The following CAMKMT variants were observed in gnomAD, a reference collection of about 807,000 sequenced individuals.
The protein encoded by CAMKMT is calmodulin-lysine N-methyltransferase.
A neutral mutation model predicts 48.0 loss-of-function variants in CAMKMT; 53 were observed. That is an observed-to-expected ratio of 1.10 (90% confidence interval 0.89 to 1.39). The LOEUF (loss-of-function observed/expected upper bound fraction) is 1.39, where lower values mean the gene tolerates loss of function less well. CAMKMT is among the 40% of genes most tolerant of loss of function. The pLI, the probability that CAMKMT is intolerant of heterozygous loss-of-function variation, is 0.00. For synonymous variants in CAMKMT, 165 were observed against 152.3 expected (o/e 1.08, Z -0.61); for missense variants, 428 against 402.7 (o/e 1.06, Z -0.54).
At chr2:44,422,590 G>A (rs1030274924) in intron 3 of CAMKMT, among the ~76,000 whole-genome samples, 4 of 152,026 alleles carry the variant, frequency 2.6e-5, no homozygotes, top group African/African-American at 9.7e-5. Flanking sequence ...TGTTGCTGCT[G>A]CAAATACTTT....
At chr2:44,449,610 T>G (rs1034337758) in intron 3 of CAMKMT, among the ~76,000 whole-genome samples, 1 of 152,180 alleles carries the variant, frequency 6.6e-6, no homozygotes, top group Non-Finnish European at 1.5e-5. Context: ...TTTTTATTCT[T>G]TAGACTTTAC....
chr2:44,517,111 GTGTT>G (rs1670870144), intron 3 of CAMKMT, among the ~76,000 whole-genome samples: 1 of 152,084 alleles, frequency 6.6e-6, no homozygotes, highest in Non-Finnish European at 1.5e-5. Context: ...ATGTGCATAA[GTGTT>G]TGTTAATGAA....
chr2:44,742,803 G>C (rs1388255219), intron 7 of CAMKMT, among the ~76,000 whole-genome samples: 4 of 151,984 alleles, frequency 2.6e-5, no homozygotes, highest in Admixed American at 6.6e-5. Flanking sequence ...AACTGGGCAG[G>C]GTAGGACATG....
chr2:44,562,469 A>G (rs1479008993), intron 3 of CAMKMT, among the ~76,000 whole-genome samples: 1 of 152,158 alleles, frequency 6.6e-6, no homozygotes, highest in African/African-American at 2.4e-5. Flanking sequence ...GGTGAGTATT[A>G]TTATTTCTAT....
At chr2:44,731,673 A>G (rs923215091) in intron 7 of CAMKMT, among the ~76,000 whole-genome samples, 2 of 152,324 alleles carry the variant, frequency 1.3e-5, no homozygotes, top group East Asian at 3.9e-4. Context: ...ATGAAAGGAC[A>G]TAAGTTAGTA....
At chr2:44,586,278 T>A (rs1669854328) in intron 3 of CAMKMT, among the ~76,000 whole-genome samples, 1 of 152,282 alleles carries the variant, frequency 6.6e-6, no homozygotes, top group African/African-American at 2.4e-5. Context: ...TTGCTATACA[T>A]TGCACGTATC....
At chr2:44,391,288 A>C (rs1056508161) in intron 3 of CAMKMT, among the ~76,000 whole-genome samples, 1 of 152,194 alleles carries the variant, frequency 6.6e-6, no homozygotes, top group African/African-American at 2.4e-5. Flanking sequence ...GAATCTATAA[A>C]TGTCCTTAAA....
Position 44,510,369 on chromosome 2 carries a change from G to A in CAMKMT, c.376+120064G>A, listed in dbSNP as rs1670477913. On this transcript the variant is annotated intron_variant, in intron 3 of 10. Coordinates refer to ENST00000378494, the MANE Select transcript of CAMKMT (RefSeq NM_024766.5). The stretch of plus-strand genomic sequence containing the variant: ...CTCATGATTACATTGAGATTTTAAA[G>A]TTTAAACTAGAATATTACAGAAGTG... 1.3e-5 allele frequency among the ~76,000 whole-genome samples: 2 copies of A among 152,096 alleles called. 1 individual carries two copies. The highest frequency in any genetic ancestry group is 4.2e-4 in the South Asian group (2 of 4,818).
At chr2:44,659,310 C>T (rs1674551353) in intron 3 of CAMKMT, among the ~76,000 whole-genome samples, 2 of 151,264 alleles carry the variant, frequency 1.3e-5, no homozygotes, top group Non-Finnish European at 2.9e-5. Context: ...GCCTGTAGGC[C>T]CAGCTACTTG....
chr2:44,544,454 A>G (rs370670205), intron 3 of CAMKMT, among the ~76,000 whole-genome samples: 6 of 152,244 alleles, frequency 3.9e-5, no homozygotes, highest in African/African-American at 1.4e-4. Context: ...AAGTGGAGTC[A>G]GTACATTGGA....
intron 3 of CAMKMT, among the ~76,000 whole-genome samples, chr2:44,521,377 C>G (rs1221829519): frequency 2.0e-5 from 3 of 152,110 alleles, no homozygotes; most frequent in South Asian, 4.1e-4. Flanking sequence ...CTCCCAGGTT[C>G]AAGCGATTCC....
In CAMKMT at chr2:44,768,367, T is replaced by A. The variant is rs1413763046; in HGVS notation, c.894+1806T>A. On this transcript the variant is annotated intron_variant, in intron 10 of 10. Transcript: ENST00000378494. Reference sequence around the variant, plus strand: ...GATATATATATATATATATATTTTTTTTTTTTTTTTAATAATGAGAGCTAT... The same window carrying A: ...GATATATATATATATATATATTTTTATTTTTTTTTTAATAATGAGAGCTAT... Among the ~76,000 whole-genome samples the A allele has an allele frequency of 2.1e-3, 233 of 113,224 alleles. 1 individual carries two copies. The highest frequency in any genetic ancestry group is 8.6e-3 in the Middle Eastern group (2 of 232). The allele number at this position is 113,224 out of a possible 152,430, so 74.3% of individuals were successfully genotyped here.
At chr2:44,687,340 C>T (rs1676393146) in intron 3 of CAMKMT, among the ~76,000 whole-genome samples, 1 of 152,162 alleles carries the variant, frequency 6.6e-6, no homozygotes, top group Non-Finnish European at 1.5e-5. Flanking sequence ...CATCTTTTCC[C>T]TTAATGAGTG....
At chr2:44,384,291 T>C (rs1179340514) in intron 2 of CAMKMT, among the ~76,000 whole-genome samples, 3 of 152,200 alleles carry the variant, frequency 2.0e-5, no homozygotes, top group Non-Finnish European at 4.4e-5. Context: ...GAATTGTCTA[T>C]TCATGTCCTT....
intron 7 of CAMKMT, among the ~76,000 whole-genome samples, chr2:44,729,826 C>T (rs1445709542): frequency 2.6e-5 from 4 of 152,160 alleles, no homozygotes; most frequent in East Asian, 1.9e-4. Context: ...CTGACCAGCA[C>T]CACCAGCATC....
At chr2:44,516,661 T>C (rs547922548) in intron 3 of CAMKMT, among the ~76,000 whole-genome samples, 1 of 152,124 alleles carries the variant, frequency 6.6e-6, no homozygotes, top group Non-Finnish European at 1.5e-5. Flanking sequence ...GTATTATATA[T>C]GCTATTTTTA....
chr2:44,616,731 G>A (rs186533212), intron 3 of CAMKMT, among the ~76,000 whole-genome samples: 18 of 152,236 alleles, frequency 1.2e-4, no homozygotes, highest in Admixed American at 1.0e-3. Flanking sequence ...ATTAGATTAG[G>A]TTGGCCTTTC....
intron 3 of CAMKMT, among the ~76,000 whole-genome samples, chr2:44,494,651 A>G (rs1355278029): frequency 1.3e-5 from 2 of 152,248 alleles, no homozygotes; most frequent in African/African-American, 2.4e-5. Flanking sequence ...AGGATCTTAA[A>G]TTGTACCAAG....
At chr2:44,431,756 C>A (rs780222413) in intron 3 of CAMKMT, among the ~76,000 whole-genome samples, 4 of 152,082 alleles carry the variant, frequency 2.6e-5, no homozygotes, top group Non-Finnish European at 4.4e-5. Context: ...CTTGTGCTGT[C>A]GGGTTAGGCC....
Sources: allele counts gnomAD v4.1 joint callset (sites outside exome capture counted in the v4.1 genomes callset), GRCh38; gene constraint gnomAD v4.1.1; transcripts MANE v1.5; gene names NCBI Gene and HGNC (gene_info 2026-07-23, HGNC 2026-07-21).